Variants in MYL4 observed in about 807,000 individuals in gnomAD.
MYL4 encodes the protein atrial myosin light chain 1.
A neutral mutation model predicts 21.6 loss-of-function variants in MYL4; 16 were observed. The observed-to-expected ratio is 0.74, with a 90% CI of 0.50 to 1.12. MYL4 has a LOEUF of 1.12. MYL4 is among the 50% of genes most tolerant of loss of function. The pLI is 0.00. For missense variants in MYL4, 249 were observed against 252.9 expected (o/e 0.98, Z 0.11); for synonymous variants, 82 against 95.7 (o/e 0.86, Z 0.83).
chr17:47,209,733 A>C (rs1332019476), intron 1 of MYL4, 176 bp downstream of exon 1: 1 of 891,420 alleles, frequency 1.1e-6, no homozygotes. Flanking sequence ...TGAGGGGGAG[A>C]TTGAGTCATA....
chr17:47,205,160 T>C (rs558925009), upstream of MYL4, among the ~76,000 whole-genome samples: 3 of 152,316 alleles, frequency 2.0e-5, no homozygotes, highest in East Asian at 5.8e-4. Context: ...TGTAAACCGG[T>C]TGGTGCTAAA....
At chr17:47,192,998 A>G in the MYL4 span, among the ~76,000 whole-genome samples, 2 of 152,180 alleles carry the variant, frequency 1.3e-5, no homozygotes, top group African/African-American at 2.4e-5. Flanking sequence ...TTAGGGAACT[A>G]TTCAAAAAGC....
chr17:47,207,647 CT>C (rs1452437421), upstream of MYL4, among the ~76,000 whole-genome samples: 4 of 152,192 alleles, frequency 2.6e-5, no homozygotes, highest in Non-Finnish European at 5.9e-5. Flanking sequence ...CCTCTCTCAG[CT>C]TTATTCCTCT....
At chr17:47,195,362 T>C in the MYL4 span, among the ~76,000 whole-genome samples, 2 of 152,052 alleles carry the variant, frequency 1.3e-5, no homozygotes, top group Non-Finnish European at 2.9e-5. Context: ...CCCAAGTAGC[T>C]GGGATTACAG....
downstream of MYL4, among the ~76,000 whole-genome samples, chr17:47,226,863 T>TC (rs1243923189): frequency 6.6e-6 from 1 of 152,194 alleles, no homozygotes; most frequent in East Asian, 1.9e-4. Context: ...CTTTTCTCTC[T>TC]CTTTTTTTTG....
At chr17:47,207,030 C>T (rs193178539), upstream of MYL4, among the ~76,000 whole-genome samples, 303 of 152,062 alleles carry the variant, frequency 2.0e-3, 1 homozygote, top group African/African-American at 7.0e-3. Context: ...TAGAAGAGTG[C>T]GAGCGAAGGT....
chr17:47,222,896 C>A, intron 5 of MYL4, 118 bp from the exon 6 acceptor site: 1 of 1,264,010 alleles, frequency 7.9e-7, no homozygotes, highest in Non-Finnish European at 1.2e-6. Context: ...AGGAACTACA[C>A]AGTCTGGAGA....
chr17:47,207,430 G>A (rs79087003), upstream of MYL4, among the ~76,000 whole-genome samples: 1 of 152,320 alleles, frequency 6.6e-6, no homozygotes, highest in South Asian at 2.1e-4. Flanking sequence ...CATGGGGCCA[G>A]ATGATCTCTA....
chr17:47,209,717 G>C (rs1447803742), intron 1 of MYL4, 160 bp downstream of exon 1: 4 of 1,029,942 alleles, frequency 3.9e-6, no homozygotes, highest in Non-Finnish European at 6.0e-6. Flanking sequence ...TGGGTGTTGG[G>C]GCTGATGAGG....
the MYL4 span, among the ~76,000 whole-genome samples, chr17:47,194,210 C>T: frequency 3.9e-5 from 6 of 152,214 alleles, no homozygotes; most frequent in Non-Finnish European, 7.3e-5. Context: ...AATGGAACCC[C>T]TCATTGTCTT....
upstream of MYL4, among the ~76,000 whole-genome samples, chr17:47,205,450 C>T (rs1030171726): frequency 2.6e-5 from 4 of 152,160 alleles, no homozygotes; most frequent in Non-Finnish European, 5.9e-5. Flanking sequence ...GGCCATGAAA[C>T]AGAATGAAGA....
chr17:47,223,824 G>C (rs182401978), downstream of MYL4: 2 of 152,260 alleles, frequency 1.3e-5, no homozygotes, highest in Admixed American at 1.3e-4. Flanking sequence ...TGGGAGCTAG[G>C]AGACAAGGAC....
upstream of MYL4, among the ~76,000 whole-genome samples, chr17:47,207,963 G>A (rs369464287): frequency 4.6e-5 from 7 of 152,050 alleles, no homozygotes; most frequent in African/African-American, 7.3e-5. Context: ...GTCTCTCCCC[G>A]ACAACTGGAT....
intron 1 of MYL4, among the ~76,000 whole-genome samples, chr17:47,203,794 A>C (rs2064717575): frequency 3.3e-5 from 5 of 152,178 alleles, no homozygotes; most frequent in South Asian, 2.1e-4. Context: ...TTGAGCTTAG[A>C]GGTTGAAGGC....
chr17:47,215,952 A>T lies in MYL4; in HGVS notation c.163+2126A>T, dbSNP rs192504798. ...ACTACAGGCATGTACCATTGTTTTT[A>T]TGTTTTGTAGAGATGGGGGTCTCGC... On this transcript the variant is annotated intron_variant, in intron 2 of 6. Coordinates refer to ENST00000393450, the MANE Select transcript of MYL4 (RefSeq NM_002476.2). 2.1e-3 allele frequency among the ~76,000 whole-genome samples: 323 copies of T among 151,790 alleles called. 1 individual carries two copies. Among genetic ancestry groups the T allele is most frequent in the African/African-American group, 7.3e-3 (303 of 41,370 alleles).
intron 1 of MYL4, 55 bp downstream of exon 1, chr17:47,209,612 T>A: frequency 6.2e-7 from 1 of 1,613,972 alleles, no homozygotes; most frequent in Non-Finnish European, 8.5e-7. Flanking sequence ...AGAGTCCTTT[T>A]GCTCTGGAGC....
chr17:47,205,874 A>G (rs926988465), upstream of MYL4, among the ~76,000 whole-genome samples: 1 of 151,914 alleles, frequency 6.6e-6, no homozygotes. Context: ...CCTCATTCCT[A>G]ATCCCACACC....
chr17:47,204,179 G>A (rs1214726559), upstream of MYL4, among the ~76,000 whole-genome samples: 1 of 152,164 alleles, frequency 6.6e-6, no homozygotes, highest in Non-Finnish European at 1.5e-5. Context: ...ATAAGACAGT[G>A]GTGGAGGAAA....
chr17:47,197,490 T>TA (rs1005312307), upstream of MYL4, among the ~76,000 whole-genome samples: 1 of 152,112 alleles, frequency 6.6e-6, no homozygotes, highest in African/African-American at 2.4e-5. Context: ...CGAGATGTGC[T>TA]AAATGGCGTA....
Sources: allele counts gnomAD v4.1 joint callset (sites outside exome capture counted in the v4.1 genomes callset), GRCh38; gene constraint gnomAD v4.1.1; transcripts MANE v1.5; gene names NCBI Gene and HGNC (gene_info 2026-07-23, HGNC 2026-07-21).